The following DGCR8 variants were observed in gnomAD, a reference collection of about 807,000 sequenced individuals.
DGCR8 encodes DGCR8 microprocessor complex subunit.
DGCR8 carries 14 observed loss-of-function variants against 78.5 expected under a neutral mutation model. The ratio of observed to expected loss-of-function variants is 0.18; its 90% CI spans 0.12 to 0.28. The LOEUF is 0.28. Ranked by LOEUF, DGCR8 falls within the 10% of genes least tolerant of loss-of-function variation. The pLI is 1.00. For synonymous variants in DGCR8, 399 were observed against 402.4 expected (o/e 0.99, Z 0.10); for missense variants, 702 against 1,022.5 (o/e 0.69, Z 4.28).
intron 8 of DGCR8, 72 bp from the exon 9 acceptor site, chr22:20,094,631 GCAGCAGTGCA>G: frequency 1.6e-6 from 2 of 1,256,196 alleles, no homozygotes; most frequent in Non-Finnish European, 1.2e-6. Flanking sequence ...GGGATGGGAG[GCAGCAGTGCA>G]CAGTTCACTC....
At position 20,089,672 on chromosome 22, in the gene DGCR8, G is replaced by A. The variant is rs759142349; in HGVS notation, c.884G>A (p.Arg295His). The A allele has an allele frequency of 6.2e-6, 10 of 1,613,854 alleles. No homozygotes were observed. The Admixed American group carries it at 6.7e-5, about 11-fold the overall frequency. Residue 295 changes from arginine (R) to histidine (H), a missense_variant, in exon 4 of 14, where the codon CGT becomes CAT. Transcript: ENST00000351989. The surrounding 1 kb of genome is among the most constrained non-coding windows in gnomAD (Gnocchi z 4.9). ...MTKIKTVLKS[R>H]GRPPTEPLPD... ...ATGTTCTTGTCTTCCTGTGCAGGTC[G>A]TGGCCGCCCACCTACAGAGCCGCTG...
In DGCR8 at chr22:20,087,207, T is replaced by C; in HGVS notation, c.766T>C (p.Cys256Arg). The C allele has an allele frequency of 1.9e-6, 3 of 1,613,860 alleles. No individual in the cohort carries two copies. Among genetic ancestry groups the C allele is most frequent in the Non-Finnish European group, 2.5e-6 (3 of 1,179,790 alleles). The stretch of plus-strand genomic sequence containing the variant: ...GGATGCTCTGCTGGAAGAAGGCCTT[T>C]GTGCCCCCAAAAAGAGGCGAACAGA... ...DVDALLEEGL[C>R]APKKRRTEEK... is the part of the protein sequence containing the mutation. Residue 256 changes from cysteine (C) to arginine (R), a missense_variant, in exon 3 of 14, where the codon TGT becomes CGT. Physicochemically the swap from Cys to Arg is radical, Grantham distance 180 (BLOSUM62 -3). This residue lies in a region of DGCR8 where 356 missense variants were observed against 448.9 expected (regional missense o/e 0.79). Coordinates refer to ENST00000351989, the MANE Select transcript of DGCR8 (RefSeq NM_022720.7). The surrounding 1 kb of genome is among the most constrained non-coding windows in gnomAD (Gnocchi z 4.1).
chr22:20,083,038 G>A (rs2049435774), intron 1 of DGCR8, among the ~76,000 whole-genome samples: 1 of 152,080 alleles, frequency 6.6e-6, no homozygotes, highest in Non-Finnish European at 1.5e-5. Flanking sequence ...TCAGCACACT[G>A]CCCCAGCTGG....
rs201892577 is a variant in DGCR8, at chr22:20,106,662, G to C, written c.1960G>C (p.Val654Leu). The C allele has an allele frequency of 2.2e-5, 35 of 1,613,816 alleles. No individual in the cohort carries two copies. The highest frequency in any genetic ancestry group is 4.2e-6 in the Non-Finnish European group (5 of 1,179,808). The change falls in exon 11 of 14, where the codon GTC becomes CTC. Residue 654 changes from valine (V) to leucine (L), a missense_variant. Around this residue, in one of 4 missense-constraint regions of DGCR8, gnomAD observed 225 missense variants for 427.7 expected, o/e 0.53. Coordinates refer to ENST00000351989, the MANE Select transcript of DGCR8 (RefSeq NM_022720.7). The part of the protein sequence containing the change: ...VPGKNQKSEY[V>L]MACGKHTVRG... ...TGGGAAAAACCAGAAGAGTGAATAC[G>C]TCATGGCGTGTGGCAAGCACACAGT... is the stretch of plus-strand genomic sequence containing the variant.
At chr22:20,108,791 G>GCGCCTACCTTGCCAGACCCTGGGCA (rs57382195) in intron 12 of DGCR8, 99 bp from the exon 13 acceptor site, 392,015 of 701,884 alleles carry the variant, frequency 0.56, 113,000 homozygotes, top group Admixed American at 0.74. Flanking sequence ...GACCCTGGGC[G>GCGCCTACCTTGCCAGACCCTGGGCA]CGCCTGCCTT....
In DGCR8 at chr22:20,087,266, C is replaced by T. The variant is rs753194485; in HGVS notation, c.825C>T (p.Ser275=). Residue 275 remains serine (S), a synonymous_variant, in exon 3 of 14, where the codon TCC becomes TCT. Coordinates refer to ENST00000351989, the MANE Select transcript of DGCR8 (RefSeq NM_022720.7). The surrounding 1 kb of genome is among the most constrained non-coding windows in gnomAD (Gnocchi z 4.1). The part of the protein sequence containing the change: ...EKYGGDSDHP[S]DGETSVQPMM... ...ATGGCGGAGACAGCGACCATCCGTC[C>T]GATGGAGAGACAAGTGTGCAGCCGA... 3.2e-5 allele frequency: 51 copies of T among 1,613,690 alleles called. No homozygotes were observed. Among genetic ancestry groups the T allele is most frequent in the East Asian group, 6.7e-5 (3 of 44,856 alleles).
At chr22:20,083,220 T>C (rs2049437543) in intron 1 of DGCR8, among the ~76,000 whole-genome samples, 1 of 152,144 alleles carries the variant, frequency 6.6e-6, no homozygotes, top group African/African-American at 2.4e-5. Context: ...CTTCAGGCGC[T>C]TTCCTTGTTT....
Position 20,090,151 on chromosome 22 carries a change from C to T in DGCR8, c.1199C>T (p.Ala400Val). 6.2e-7 allele frequency: 1 copy of T among 1,614,248 alleles called. No individual in the cohort carries two copies. Among genetic ancestry groups the T allele is most frequent in the East Asian group, 2.2e-5 (1 of 44,874 alleles). The change falls in exon 5 of 14, where the codon GCT (alanine) becomes GTT (valine). Residue 400 changes from alanine (A) to valine (V), a missense_variant. Coordinates refer to ENST00000351989, the MANE Select transcript of DGCR8 (RefSeq NM_022720.7). Reference protein sequence around the residue: ...FPLDEPDSMGADPGPPDEKDP... With the variant: ...FPLDEPDSMGVDPGPPDEKDP... ...CTGGATGAGCCTGACTCTATGGGTG[C>T]TGACCCGGGGCCCCCGGACGAGAAA...
intron 9 of DGCR8, among the ~76,000 whole-genome samples, chr22:20,097,956 G>A (rs1267284833): frequency 6.6e-6 from 1 of 150,382 alleles, no homozygotes; most frequent in Non-Finnish European, 1.5e-5. Context: ...GTGAAACCCC[G>A]TCTCTACTAA....
At chr22:20,106,750 T>G (rs759360312) in intron 11 of DGCR8, 52 bp downstream of exon 11, 2 of 1,297,426 alleles carry the variant, frequency 1.5e-6, no homozygotes, top group African/African-American at 2.9e-5. Flanking sequence ...CGGCCCCTGG[T>G]GTGGCCCTGC....
rs1239006421 is a variant in DGCR8 at position 20,110,016 on chromosome 22, T to C, written c.2239-9T>C. ...TCACTGGTACCCCTGACCTTTGTTG[T>C]TCTTTCAGGAGGAGACTCGAAAGAA... is the stretch of plus-strand genomic sequence containing the variant. On this transcript the variant is annotated splice_polypyrimidine_tract_variant and intron_variant, in intron 13 of 13. Transcript: ENST00000351989. 1.2e-6 allele frequency: 2 copies of C among 1,613,810 alleles called. No homozygotes were observed. Among genetic ancestry groups the C allele is most frequent in the Admixed American group, 3.3e-5 (2 of 60,036 alleles).
At chr22:20,093,616 C>G (rs575592910) in intron 8 of DGCR8, among the ~76,000 whole-genome samples, 90 of 152,284 alleles carry the variant, frequency 5.9e-4, no homozygotes, top group African/African-American at 2.1e-3. Flanking sequence ...GGCATCCTCC[C>G]CCAGTGGTGC....
At chr22:20,081,053 A>C (rs939161744) in intron 1 of DGCR8, among the ~76,000 whole-genome samples, 1 of 152,218 alleles carries the variant, frequency 6.6e-6, no homozygotes, top group African/African-American at 2.4e-5. Context: ...CTAGACTCCC[A>C]GCTGTGGGAG....
chr22:20,101,384 G>C lies in DGCR8; in HGVS notation c.1789-4793G>C, dbSNP rs2049699380. The C allele has an allele frequency of 3.9e-6, 3 of 770,854 alleles. No homozygotes were observed. The South Asian group carries it at 1.8e-4, about 45-fold the overall frequency. The allele number at this position is 770,854 out of a possible 1,614,324, so 47.8% of individuals were successfully genotyped here. A position where few individuals can be genotyped will look rare whatever the true frequency, so the allele number is the denominator to read the frequency against. ...GAGGTAAGGACATCGAGACCATCCT[G>C]GCTAACACGGTGAAACCCCGTCTCT... is the stretch of plus-strand genomic sequence containing the variant. On this transcript the variant is annotated intron_variant, in intron 9 of 13. Coordinates refer to ENST00000351989, the MANE Select transcript of DGCR8 (RefSeq NM_022720.7).
At position 20,090,183 on chromosome 22, in the gene DGCR8, C is replaced by A; in HGVS notation, c.1231C>A (p.Leu411Ile). The A allele has an allele frequency of 6.2e-7, 1 of 1,614,244 alleles. No homozygotes were observed. The highest frequency in any genetic ancestry group is 8.5e-7 in the Non-Finnish European group (1 of 1,180,036). The change falls in exon 5 of 14, where the codon CTA becomes ATA. Residue 411 changes from leucine (L) to isoleucine (I), a missense_variant. Transcript: ENST00000351989. ...GGGGCCCCCGGACGAGAAAGACCCA[C>A]TAGGGGCTGAGGCAGCCCCTGGGGC... is the stretch of plus-strand genomic sequence containing the variant. ...DPGPPDEKDP[L>I]GAEAAPGALG...
At position 20,111,599 on chromosome 22, in the gene DGCR8, A is replaced by G; in HGVS notation, c.*1491A>G. 2.6e-6 allele frequency: 1 copy of G among 388,994 alleles called. No homozygotes were observed. Among genetic ancestry groups the G allele is most frequent in the East Asian group, 3.6e-5 (1 of 27,416 alleles). The allele number at this position is 388,994 out of a possible 1,614,324, so 24.1% of individuals were successfully genotyped here. On this transcript the variant is annotated 3_prime_UTR_variant, in exon 14 of 14. Transcript: ENST00000351989. ...GCCAGCCAGATGCGCCTGTGAACCA[A>G]AGCTTCGTGCACATGTGTTCCCCTA...
chr22:20,100,006 A>G (rs1460856758), intron 9 of DGCR8, among the ~76,000 whole-genome samples: 1 of 152,144 alleles, frequency 6.6e-6, no homozygotes. Flanking sequence ...CTACAGACAG[A>G]TTGCAGACCA....
intron 9 of DGCR8, among the ~76,000 whole-genome samples, chr22:20,095,118 C>CT (rs971662827): frequency 2.0e-5 from 3 of 151,732 alleles, no homozygotes; most frequent in Admixed American, 6.6e-5. Flanking sequence ...TTAGATTGTT[C>CT]TTTTTTTTGA....
At chr22:20,108,775 C>CTGCCAGACCCTGGGCGCGCCTACCT (rs202094929) in intron 12 of DGCR8, 115 bp from the exon 13 acceptor site, 31,211 of 202,106 alleles carry the variant, frequency 0.15, 1,100 homozygotes, top group South Asian at 0.26. Context: ...TGTTTCGTGT[C>CTGCCAGACCCTGGGCGCGCCTACCT]TGCCAGACCC....
Sources: gnomAD v4.1 joint callset for allele counts (sites outside exome capture counted in the v4.1 genomes callset) on GRCh38, gnomAD v4.1.1 for gene constraint, gnomAD v4.1.1 regional missense constraint, Gnocchi (gnomAD v3.1) non-coding constraint, MANE v1.5 for transcripts, NCBI Gene and HGNC (gene_info 2026-07-23, HGNC 2026-07-21) for gene names.